GSN: variants seen among roughly 807,000 people sequenced by gnomAD.
The protein encoded by GSN is actin-depolymerizing factor.
In GSN, 56 loss-of-function variants were observed where a neutral mutation model predicts 85.7. That is an observed-to-expected ratio of 0.65 (90% CI 0.53 to 0.82). The LOEUF is 0.82. GSN is among the 40% of genes least tolerant of loss of function. GSN has a pLI of 0.00. For missense variants in GSN, 857 were observed against 979.8 expected (o/e 0.87, Z 1.67); for synonymous variants, 373 against 399.1 (o/e 0.93, Z 0.78).
chr9:121,282,860 C>G (rs1223551607), intron 2 of GSN: 1 of 261,518 alleles, frequency 3.8e-6, no homozygotes, highest in Non-Finnish European at 7.7e-6. Context: ...GCCCTGTCTT[C>G]CGCAGACCCT....
chr9:121,230,997 G>A (rs1157817877), intron 4 of GSN, among the ~76,000 whole-genome samples: 1 of 152,176 alleles, frequency 6.6e-6, no homozygotes, highest in East Asian at 1.9e-4. Flanking sequence ...GATTTCATGA[G>A]CACCTACTAC....
intron 5 of GSN, chr9:121,311,807 A>G (rs1214635333): frequency 1.3e-5 from 2 of 153,488 alleles, no homozygotes; most frequent in Non-Finnish European, 2.9e-5. Context: ...GCTGTGGAAG[A>G]TTCAGTTGTG....
At chr9:121,224,808 TAATAAATA>T (rs55879249) in intron 4 of GSN, among the ~76,000 whole-genome samples, 4 of 146,318 alleles carry the variant, frequency 2.7e-5, no homozygotes, top group South Asian at 4.3e-4. Flanking sequence ...ACACTTAAAA[TAATAAATA>T]AATAAATAAA....
chr9:121,266,101 GC>G (rs1339542623), upstream of GSN, among the ~76,000 whole-genome samples: 5 of 152,170 alleles, frequency 3.3e-5, no homozygotes, highest in Non-Finnish European at 7.4e-5. Context: ...ACCAAATGGA[GC>G]AATTACAGGG....
At position 121,312,368 on chromosome 9, in the gene GSN, C is replaced by T; in HGVS notation, c.543C>T (p.Ser181=). The T allele has an allele frequency of 6.2e-7, 1 of 1,614,160 alleles. No individual in the cohort carries two copies. Among genetic ancestry groups the T allele is most frequent in the Non-Finnish European group, 8.5e-7 (1 of 1,180,002 alleles). Reference sequence around the variant, plus strand: ...TCCACCAGTGGTGTGGTTCCAACAGCAATCGGTATGAAAGACTGAAGGCCA... The same window carrying T: ...TCCACCAGTGGTGTGGTTCCAACAGTAATCGGTATGAAAGACTGAAGGCCA... The part of the protein sequence containing the change: ...NNIHQWCGSN[S]NRYERLKATQ... The change falls in exon 6 of 18, where the codon AGC becomes AGT. Residue 181 remains serine (S), a synonymous_variant. Coordinates refer to ENST00000432226, the MANE Select transcript of GSN (RefSeq NM_198252.3).
Position 121,332,696 on chromosome 9 carries a change from A to T in GSN, c.*93A>T. 4 of 869,158 alleles carry T rather than the reference A, an allele frequency of 4.6e-6. No homozygotes were observed. The highest frequency in any genetic ancestry group is 7.4e-6 in the Non-Finnish European group (4 of 543,682). The allele number at this position is 869,158 out of a possible 1,614,324, so 53.8% of individuals were successfully genotyped here. On this transcript the variant is annotated 3_prime_UTR_variant, in exon 18 of 18. Transcript: ENST00000432226. This position sits in a 1 kb window ranked among gnomAD's most constrained non-coding sequence, Gnocchi z 4.8. ...TTAGAGCGAGCAGAGCAGCTCTGCT[A>T]TGAGTGTGTGTGTGTGTGTGTGTTG...
chr9:121,271,221 G>C (rs1360533083), intron 1 of GSN, among the ~76,000 whole-genome samples: 4 of 152,076 alleles, frequency 2.6e-5, no homozygotes, highest in African/African-American at 7.2e-5. Flanking sequence ...ATACGTGCTG[G>C]GATGCTCCTG....
chr9:121,268,519 G>A (rs545067836), intron 1 of GSN, among the ~76,000 whole-genome samples: 1 of 152,258 alleles, frequency 6.6e-6, no homozygotes, highest in East Asian at 1.9e-4. Flanking sequence ...CCCCGCCCCC[G>A]GGATGGGGGA....
At chr9:121,266,480 T>C (rs1318223435), upstream of GSN, among the ~76,000 whole-genome samples, 1 of 151,970 alleles carries the variant, frequency 6.6e-6, no homozygotes, top group Non-Finnish European at 1.5e-5. Flanking sequence ...AAGCAGAGAG[T>C]AGCAGAGATG....
At chr9:121,286,144 A>G (rs1234438819) in intron 2 of GSN, 2 of 1,535,394 alleles carry the variant, frequency 1.3e-6, no homozygotes, top group Non-Finnish European at 1.7e-6. Context: ...CAGCCTCGCG[A>G]TGGCCGAGGA....
intron 5 of GSN, among the ~76,000 whole-genome samples, chr9:121,244,860 A>G (rs2054668714): frequency 6.6e-6 from 1 of 152,166 alleles, no homozygotes; most frequent in African/African-American, 2.4e-5. Context: ...TAAGAGAAAA[A>G]CTATAAAAAT....
chr9:121,237,820 A>C (rs2054526292), intron 5 of GSN, among the ~76,000 whole-genome samples: 1 of 152,252 alleles, frequency 6.6e-6, no homozygotes, highest in Non-Finnish European at 1.5e-5. Context: ...TTATTAGGTA[A>C]CTAACTATAT....
At chr9:121,313,293 A>G in intron 6 of GSN, 1 of 160,908 alleles carries the variant, frequency 6.2e-6, no homozygotes, top group Non-Finnish European at 1.4e-5. Context: ...ATTCACTAGG[A>G]AAAGGAGAAG....
intron 7 of GSN, 85 bp from the exon 8 acceptor site, chr9:121,317,001 A>T: frequency 6.4e-7 from 1 of 1,569,756 alleles, no homozygotes; most frequent in South Asian, 1.1e-5. Context: ...CATTTGGGAC[A>T]GGGGGTGGGG....
rs1309090910 is a variant in GSN at position 121,327,596 on chromosome 9, G to T, written c.1762+114G>T. 2.1e-5 allele frequency: 17 copies of T among 799,020 alleles called. No individual in the cohort carries two copies. In the East Asian group the frequency reaches 4.3e-4, roughly 20 times the overall value. The allele number at this position is 799,020 out of a possible 1,614,324, so 49.5% of individuals were successfully genotyped here. A position where few individuals can be genotyped will look rare whatever the true frequency, so the allele number is the denominator to read the frequency against. On this transcript the variant is annotated intron_variant, in intron 14 of 17. Coordinates refer to ENST00000432226, the MANE Select transcript of GSN (RefSeq NM_198252.3). ...TCCCCTCCATCCCACCTGAGGGCCT[G>T]TCCCCTAATGTATGTTAAATAAAAG...
intron 2 of GSN, chr9:121,285,171 G>A (rs909115106): frequency 6.0e-6 from 1 of 167,234 alleles, no homozygotes; most frequent in African/African-American, 2.4e-5. Flanking sequence ...AGTTGGTGAT[G>A]ATTAAACAAT....
At chr9:121,246,802 C>T (rs1159738842) in intron 5 of GSN, among the ~76,000 whole-genome samples, 1 of 152,128 alleles carries the variant, frequency 6.6e-6, no homozygotes, top group Non-Finnish European at 1.5e-5. Context: ...AGGTTTTTTT[C>T]TCCAGACCCA....
At chr9:121,240,104 G>A (rs914480341) in intron 5 of GSN, 1 of 152,474 alleles carries the variant, frequency 6.6e-6, no homozygotes, top group Admixed American at 6.5e-5. Context: ...TTTTCCCTGT[G>A]TGTCTGCACA....
chr9:121,307,804 T>C (rs2060576587), intron 4 of GSN, among the ~76,000 whole-genome samples: 1 of 152,228 alleles, frequency 6.6e-6, no homozygotes, highest in Admixed American at 6.5e-5. Context: ...CCTCACTTGC[T>C]CTGGGCAGGC....
Sources: gnomAD v4.1 joint callset for allele counts (sites outside exome capture counted in the v4.1 genomes callset) on GRCh38, gnomAD v4.1.1 for gene constraint, Gnocchi (gnomAD v3.1) non-coding constraint, MANE v1.5 for transcripts, NCBI Gene and HGNC (gene_info 2026-07-23, HGNC 2026-07-21) for gene names.